Variants in NOL4L observed in about 807,000 individuals in gnomAD.
The protein encoded by NOL4L is nucleolar protein 4-like.
In NOL4L, 7 loss-of-function variants were observed where a neutral mutation model predicts 64.5. The observed-to-expected ratio is 0.11, with a 90% confidence interval of 0.06 to 0.20. NOL4L has a LOEUF of 0.20. NOL4L is among the 10% of genes least tolerant of loss of function. NOL4L has a pLI of 1.00. For missense variants in NOL4L, 680 were observed against 967.1 expected (o/e 0.70, Z 3.94); for synonymous variants, 413 against 401.0 (o/e 1.03, Z -0.36).
Position 32,453,876 on chromosome 20 carries a change from G to A in NOL4L, c.1120-115C>T, listed in dbSNP as rs909320077. 30 of 924,692 alleles carry A rather than the reference G, an allele frequency of 3.2e-5. No individual in the cohort carries two copies. Among genetic ancestry groups the A allele is most frequent in the South Asian group, 9.6e-5 (6 of 62,234 alleles). The allele number at this position is 924,692 out of a possible 1,614,324, so 57.3% of individuals were successfully genotyped here. On this transcript the variant is annotated intron_variant, in intron 6 of 10. Coordinates refer to ENST00000621426, the MANE Select transcript of NOL4L (RefSeq NM_001256798.2). This position sits in a 1 kb window ranked among gnomAD's most constrained non-coding sequence, Gnocchi z 5.6. ...GGTGGCACGCATGCCCTGCTGCCAC[G>A]AGAGCCATAGCTGCGAGGCCCTGAG...
chr20:32,516,626 G>A (rs542759268), intron 3 of NOL4L, among the ~76,000 whole-genome samples: 5 of 152,322 alleles, frequency 3.3e-5, no homozygotes, highest in Admixed American at 3.3e-4. Context: ...AACCTTGTGA[G>A]GTGGGTGCTC....
intron 1 of NOL4L, among the ~76,000 whole-genome samples, chr20:32,581,665 G>A (rs1160086696): frequency 1.3e-5 from 2 of 152,176 alleles, no homozygotes; most frequent in South Asian, 2.1e-4. Context: ...GCCCCCATGG[G>A]CTTCTTTATC....
At chr20:32,471,888 C>T (rs1215772386) in intron 5 of NOL4L, among the ~76,000 whole-genome samples, 1 of 152,198 alleles carries the variant, frequency 6.6e-6, no homozygotes, top group Non-Finnish European at 1.5e-5. Context: ...CTGTAAGCTT[C>T]CTGAGGCCTC....
At chr20:32,448,825 G>A (rs1458266419) in intron 10 of NOL4L, among the ~76,000 whole-genome samples, 1 of 152,230 alleles carries the variant, frequency 6.6e-6, no homozygotes, top group Non-Finnish European at 1.5e-5. Flanking sequence ...TGGCTTTGGA[G>A]TCAGGCAAGT....
chr20:32,457,494 A>G (rs1261619864), intron 5 of NOL4L, among the ~76,000 whole-genome samples: 1 of 142,970 alleles, frequency 7.0e-6, no homozygotes, highest in Non-Finnish European at 1.5e-5. Flanking sequence ...GATTATGAAG[A>G]TTTAGTCCCC....
chr20:32,502,870 A>ATT (rs1179932617), intron 4 of NOL4L, among the ~76,000 whole-genome samples: 1 of 152,226 alleles, frequency 6.6e-6, no homozygotes, highest in African/African-American at 2.4e-5. Flanking sequence ...AGATCACATC[A>ATT]TTGCACTCCA....
intron 1 of NOL4L, among the ~76,000 whole-genome samples, chr20:32,574,441 TG>T (rs902696419): frequency 6.6e-6 from 1 of 152,138 alleles, no homozygotes; most frequent in Non-Finnish European, 1.5e-5. Context: ...ACCTGTAGAA[TG>T]GGGTCATAAC....
chr20:32,507,325 G>C (rs1024366501), intron 4 of NOL4L, among the ~76,000 whole-genome samples: 1 of 152,224 alleles, frequency 6.6e-6, no homozygotes, highest in Non-Finnish European at 1.5e-5. Flanking sequence ...TTAGGCTGGA[G>C]GTGCCGAGAG....
At chr20:32,544,361 G>A (rs1408857893) in intron 1 of NOL4L, among the ~76,000 whole-genome samples, 1 of 152,040 alleles carries the variant, frequency 6.6e-6, no homozygotes, top group Non-Finnish European at 1.5e-5. Flanking sequence ...TTTGAGGCGT[G>A]GTGAGGGGCT....
chr20:32,582,903 T>C (rs1203233430), intron 1 of NOL4L, among the ~76,000 whole-genome samples: 2 of 149,938 alleles, frequency 1.3e-5, no homozygotes, highest in African/African-American at 4.9e-5. Flanking sequence ...TCTGGGAAAG[T>C]GGCACTGATT....
chr20:32,472,874 T>G (rs1290433771), intron 5 of NOL4L, among the ~76,000 whole-genome samples: 1 of 152,018 alleles, frequency 6.6e-6, no homozygotes, highest in African/African-American at 2.4e-5. Context: ...GGTGTCTGAC[T>G]ACCCCAGGCT....
At chr20:32,573,416 C>T (rs772479452) in intron 1 of NOL4L, among the ~76,000 whole-genome samples, 10 of 151,888 alleles carry the variant, frequency 6.6e-5, no homozygotes, top group Non-Finnish European at 1.2e-4. Context: ...ACTGAAACCC[C>T]GGCCAGTCTG....
At chr20:32,462,904 A>AAAAAAAAAAAAAAAAC (rs2014209258) in intron 5 of NOL4L, among the ~76,000 whole-genome samples, 1 of 83,292 alleles carries the variant, frequency 1.2e-5, no homozygotes, top group Non-Finnish European at 2.0e-5. Flanking sequence ...ACTCTGTCTT[A>AAAAAAAAAAAAAAAAC]AAAAAAAAAA....
rs293567 is a variant in NOL4L at position 32,510,762 on chromosome 20, G to A, written c.699+585C>T. ...CTTCTTTGAAAGACAGTCAGGCTAC[G>A]TGCTTTGCAAAGGGTTAGGAGGTGG... is the stretch of plus-strand genomic sequence containing the variant. On this transcript the variant is annotated intron_variant, in intron 4 of 10. Transcript: ENST00000621426. 1.4e-3 allele frequency: 215 copies of A among 152,890 alleles called. 2 individuals are homozygous for A. The highest frequency in any genetic ancestry group is 0.01 in the Middle Eastern group (3 of 294). 9.5% of individuals were successfully genotyped at this position (152,890 alleles called of 1,614,324 possible). A position where few individuals can be genotyped will look rare whatever the true frequency, so the allele number is the denominator to read the frequency against.
chr20:32,536,250 C>T (rs530456693), intron 1 of NOL4L: 10 of 985,374 alleles, frequency 1.0e-5, no homozygotes, highest in Admixed American at 1.2e-4. Context: ...AGGGGGGGTC[C>T]TAGGCGGAAG....
At chr20:32,565,316 C>G (rs2145616428) in intron 1 of NOL4L, among the ~76,000 whole-genome samples, 1 of 152,314 alleles carries the variant, frequency 6.6e-6, no homozygotes, top group Non-Finnish European at 1.5e-5. Flanking sequence ...CTGCCTGCGG[C>G]CTGAGCTTCC....
intron 1 of NOL4L, among the ~76,000 whole-genome samples, chr20:32,541,741 G>A (rs1243126839): frequency 6.6e-6 from 1 of 152,244 alleles, no homozygotes; most frequent in African/African-American, 2.4e-5. Flanking sequence ...GAGCTGGCGG[G>A]GTAAATGGGC....
rs372269338 is a variant in NOL4L, at chr20:32,465,116, C to T, written c.842-8721G>A. 360 of 528,084 alleles carry T rather than the reference C, an allele frequency of 6.8e-4. 1 individual carries two copies. The highest frequency in any genetic ancestry group is 6.5e-3 in the African/African-American group (325 of 49,700). The allele number at this position is 528,084 out of a possible 1,614,324, so 32.7% of individuals were successfully genotyped here. ...GGGACAGGTGGCTCAAGCGGTGGGGCCCTGGAGACAGACACCACCTTCAGT... is the reference window on the plus strand; with the variant it reads ...GGGACAGGTGGCTCAAGCGGTGGGGTCCTGGAGACAGACACCACCTTCAGT... On this transcript the variant is annotated intron_variant, in intron 5 of 10. Coordinates refer to ENST00000621426, the MANE Select transcript of NOL4L (RefSeq NM_001256798.2).
chr20:32,470,440 G>A (rs903965126), intron 5 of NOL4L, among the ~76,000 whole-genome samples: 5 of 152,254 alleles, frequency 3.3e-5, no homozygotes, highest in African/African-American at 1.2e-4. Flanking sequence ...GCCAGGCCCT[G>A]TGCTGGGTGC....
Sources: allele counts gnomAD v4.1 joint callset (sites outside exome capture counted in the v4.1 genomes callset), GRCh38; gene constraint gnomAD v4.1.1; non-coding constraint Gnocchi (gnomAD v3.1); transcripts MANE v1.5; gene names NCBI Gene and HGNC (gene_info 2026-07-23, HGNC 2026-07-21).